The following CNTNAP5 variants were observed in gnomAD, a reference collection of about 807,000 sequenced individuals.
CNTNAP5 encodes the protein contactin associated protein family member 5, also known as contactin-associated protein-like 5.
CNTNAP5 carries 72 observed loss-of-function variants against 150.2 expected under a neutral mutation model. The observed-to-expected ratio is 0.48, with a 90% confidence interval of 0.40 to 0.58. CNTNAP5 has a LOEUF of 0.58. Ranked by LOEUF, CNTNAP5 falls within the 20% of genes least tolerant of loss-of-function variation. CNTNAP5 has a pLI of 0.00. For synonymous variants in CNTNAP5, 672 were observed against 619.8 expected, an observed-to-expected ratio of 1.08 and a Z score of -1.25; for missense variants, 1,636 against 1,626.2, an observed-to-expected ratio of 1.01 and a Z score of -0.10.
chr2:124,567,258 C>T (rs943707492), intron 11 of CNTNAP5, among the ~76,000 whole-genome samples: 5 of 152,124 alleles, frequency 3.3e-5, no homozygotes, highest in East Asian at 1.9e-4. Flanking sequence ...ATTCCCAAAG[C>T]GTGTAGACAC....
chr2:124,565,359 C>G (rs964334720), intron 11 of CNTNAP5, among the ~76,000 whole-genome samples: 1 of 152,144 alleles, frequency 6.6e-6, no homozygotes, highest in Admixed American at 6.5e-5. Context: ...GTTCATACCA[C>G]AAAGGATAAA....
At chr2:124,186,019 A>G (rs80101192) in intron 1 of CNTNAP5, among the ~76,000 whole-genome samples, 1,906 of 152,370 alleles carry the variant, frequency 0.013, 13 homozygotes, top group Non-Finnish European at 0.02. Context: ...TATTGTATAG[A>G]GCAGCTATTC....
At chr2:124,170,760 G>A (rs573559976) in intron 1 of CNTNAP5, among the ~76,000 whole-genome samples, 42 of 152,052 alleles carry the variant, frequency 2.8e-4, no homozygotes, top group Non-Finnish European at 4.7e-4. Context: ...AAAATGATTG[G>A]TGAAAAGAGA....
intron 3 of CNTNAP5, among the ~76,000 whole-genome samples, chr2:124,334,186 A>T (rs1288624747): frequency 1.3e-5 from 2 of 152,088 alleles, no homozygotes; most frequent in East Asian, 3.9e-4. Flanking sequence ...CTAAAGGCCT[A>T]TTTTTGATGT....
chr2:124,338,036 T>C (rs1389533621), intron 3 of CNTNAP5, among the ~76,000 whole-genome samples: 2 of 152,178 alleles, frequency 1.3e-5, no homozygotes, highest in Non-Finnish European at 2.9e-5. Flanking sequence ...TCCTCTTTTA[T>C]TTCATTCAGC....
chr2:124,817,692 G>T (rs1682394968), intron 19 of CNTNAP5, among the ~76,000 whole-genome samples: 1 of 152,114 alleles, frequency 6.6e-6, no homozygotes, highest in Non-Finnish European at 1.5e-5. Context: ...TGTACAAATA[G>T]TGTGACTTGA....
At chr2:124,139,814 G>C (rs1157150446) in intron 1 of CNTNAP5, among the ~76,000 whole-genome samples, 1 of 152,172 alleles carries the variant, frequency 6.6e-6, no homozygotes, top group South Asian at 2.1e-4. Flanking sequence ...AACAGCTCCG[G>C]TCTACAGCTC....
intron 21 of CNTNAP5, among the ~76,000 whole-genome samples, chr2:124,894,705 C>A (rs573352841): frequency 2.6e-5 from 4 of 151,104 alleles, no homozygotes; most frequent in Non-Finnish European, 4.4e-5. Flanking sequence ...AGAAACACAC[C>A]ACCACACCTG....
intron 13 of CNTNAP5, among the ~76,000 whole-genome samples, chr2:124,745,834 G>A (rs1487342422): frequency 6.6e-6 from 1 of 152,112 alleles, no homozygotes; most frequent in Non-Finnish European, 1.5e-5. Context: ...AGTACCTTCT[G>A]TATGTTTTTC....
chr2:124,033,797 T>C (rs1681129984), intron 1 of CNTNAP5, among the ~76,000 whole-genome samples: 1 of 151,952 alleles, frequency 6.6e-6, no homozygotes, highest in Admixed American at 6.6e-5. Flanking sequence ...TAAATATGGG[T>C]AGAGTTGTGT....
intron 3 of CNTNAP5, among the ~76,000 whole-genome samples, chr2:124,373,555 C>A (rs187979625): frequency 6.6e-6 from 1 of 151,776 alleles, no homozygotes; most frequent in East Asian, 1.9e-4. Context: ...AAAAAAAAGA[C>A]ATGTAACAAT....
At chr2:124,586,776 A>C (rs1181886528) in intron 11 of CNTNAP5, among the ~76,000 whole-genome samples, 1 of 152,216 alleles carries the variant, frequency 6.6e-6, no homozygotes, top group Non-Finnish European at 1.5e-5. Context: ...GGCAACCTCC[A>C]ACTGTGTTTG....
At chr2:124,454,950 G>A (rs1013164226) in intron 6 of CNTNAP5, among the ~76,000 whole-genome samples, 1 of 151,940 alleles carries the variant, frequency 6.6e-6, no homozygotes, top group African/African-American at 2.4e-5. Context: ...GTCTCAAAGA[G>A]CACAAGCAGA....
At chr2:124,784,365 T>C (rs1012223316) in intron 17 of CNTNAP5, among the ~76,000 whole-genome samples, 1 of 152,204 alleles carries the variant, frequency 6.6e-6, no homozygotes, top group Non-Finnish European at 1.5e-5. Flanking sequence ...GGAACTGAGA[T>C]GCTTCTCTGA....
At chr2:124,112,482 G>T (rs1017340565) in intron 1 of CNTNAP5, among the ~76,000 whole-genome samples, 3 of 152,090 alleles carry the variant, frequency 2.0e-5, no homozygotes, top group African/African-American at 7.2e-5. Context: ...TCTCTTATAG[G>T]CTTCTCACAC....
At chr2:124,849,103 T>C (rs1683105435) in intron 19 of CNTNAP5, among the ~76,000 whole-genome samples, 1 of 152,174 alleles carries the variant, frequency 6.6e-6, no homozygotes, top group Non-Finnish European at 1.5e-5. Context: ...TGTTTTCTTC[T>C]AGGAGTTTTA....
intron 13 of CNTNAP5, among the ~76,000 whole-genome samples, chr2:124,720,493 A>C (rs1196438680): frequency 6.6e-6 from 1 of 152,206 alleles, no homozygotes. Context: ...GCAGCTGATC[A>C]TATTTCCAAA....
At chr2:124,704,162 C>G (rs540517084) in intron 13 of CNTNAP5, among the ~76,000 whole-genome samples, 2 of 152,166 alleles carry the variant, frequency 1.3e-5, no homozygotes, top group African/African-American at 4.8e-5. Context: ...TAAATCTGTA[C>G]TCCAAAGATT....
chr2:124,615,034 G>A (rs1048252014), intron 12 of CNTNAP5, among the ~76,000 whole-genome samples: 1 of 151,910 alleles, frequency 6.6e-6, no homozygotes, highest in African/African-American at 2.4e-5. Context: ...ATACTTTACT[G>A]CTAAAAAATG....
Sources: gnomAD v4.1 joint callset for allele counts (sites outside exome capture counted in the v4.1 genomes callset) on GRCh38, gnomAD v4.1.1 for gene constraint, MANE v1.5 for transcripts, NCBI Gene and HGNC (gene_info 2026-07-23, HGNC 2026-07-21) for gene names.